TTC17: variants seen among roughly 807,000 people sequenced by gnomAD.
TTC17 encodes the protein tetratricopeptide repeat domain 17.
TTC17 carries 58 observed loss-of-function variants against 143.8 expected under a neutral mutation model. That is an observed-to-expected ratio of 0.40 (90% CI 0.33 to 0.50). The LOEUF (loss-of-function observed/expected upper bound fraction) is 0.50. TTC17 is among the 20% of genes least tolerant of loss of function. The pLI, the probability that TTC17 is intolerant of heterozygous loss-of-function variation, is 0.49. For synonymous variants in TTC17, 501 were observed against 497.8 expected, an observed-to-expected ratio of 1.01 and a Z score of -0.09; for missense variants, 1,273 against 1,392.5, an observed-to-expected ratio of 0.91 and a Z score of 1.37.
chr11:43,370,142 C>T, intron 1 of TTC17: 1 of 453,402 alleles, frequency 2.2e-6, no homozygotes, highest in South Asian at 1.6e-5. Flanking sequence ...TTTTTGCGAA[C>T]CTGTACTTCT....
intron 21 of TTC17, among the ~76,000 whole-genome samples, chr11:43,484,743 T>A (rs928697839): frequency 2.8e-4 from 43 of 152,256 alleles, no homozygotes; most frequent in African/African-American, 1.0e-3. Flanking sequence ...CTAGGAAGAC[T>A]AAATAGGAAG....
At chr11:43,437,987 C>G (rs539702686) in intron 16 of TTC17, among the ~76,000 whole-genome samples, 18 of 152,358 alleles carry the variant, frequency 1.2e-4, no homozygotes, top group Middle Eastern at 3.4e-3. Context: ...CTACCTTAAT[C>G]CGAATGATTT....
At position 43,446,708 on chromosome 11, in the gene TTC17, C is replaced by T. The variant is rs189925995; in HGVS notation, c.2666-1294C>T. The T allele has an allele frequency of 6.0e-4, 592 of 981,752 alleles. 3 individuals carry two copies. The African/African-American group carries it at 9.6e-3, about 16-fold the overall frequency. The allele number at this position is 981,752 out of a possible 1,614,324, so 60.8% of individuals were successfully genotyped here. A position where few individuals can be genotyped will look rare whatever the true frequency, so the allele number is the denominator to read the frequency against. ...TCGTAAATTCCTATAATATAAAAAG[C>T]GCTATACAGAACTAAAGTTCTCCTT... is the stretch of plus-strand genomic sequence containing the variant. On this transcript the variant is annotated intron_variant, in intron 18 of 23. Coordinates refer to ENST00000039989, the MANE Select transcript of TTC17 (RefSeq NM_018259.6).
At position 43,430,196 on chromosome 11, in the gene TTC17, A is replaced by G. The variant is rs562834953; in HGVS notation, c.2252-13129A>G. The stretch of plus-strand genomic sequence containing the variant: ...TAATCCCAGCACTTTGGGAGGCCAA[A>G]GAGGGCAGATTGCTTGAGTTCAGCA... On this transcript the variant is annotated intron_variant, in intron 16 of 23. Coordinates refer to ENST00000039989, the MANE Select transcript of TTC17 (RefSeq NM_018259.6). Among the ~76,000 whole-genome samples, 13 of 152,294 alleles carry G rather than the reference A, an allele frequency of 8.5e-5. No homozygotes were observed. In the South Asian group the frequency reaches 2.7e-3, roughly 32 times the overall value.
Position 43,407,148 on chromosome 11 carries a change from C to T in TTC17, c.1772C>T (p.Ser591Phe), listed in dbSNP as rs369467186. 2 of 1,581,808 alleles carry T rather than the reference C, an allele frequency of 1.3e-6. No individual in the cohort carries two copies. The highest frequency in any genetic ancestry group is 1.7e-6 in the Non-Finnish European group (2 of 1,168,968). The change falls in exon 14 of 24, where the codon TCC (serine) becomes TTC (phenylalanine). Residue 591 changes from serine (S) to phenylalanine (F), a missense_variant. By Grantham distance (155) the Ser-to-Phe change is radical. This residue lies in a region of TTC17 where 878 missense variants were observed against 899.8 expected (regional missense o/e 0.98). Transcript: ENST00000039989. ...PDDHARKILL[S>F]RINNYTIPEE... ...CTTTTGATGTTTCAGATTTTGCTTT[C>T]CCGTATTAATAACTATACTATCCCA...
intron 16 of TTC17, among the ~76,000 whole-genome samples, chr11:43,420,162 G>T (rs1946869055): frequency 6.6e-6 from 1 of 152,314 alleles, no homozygotes; most frequent in Admixed American, 6.5e-5. Flanking sequence ...AGCAAAGATT[G>T]TGATTTACTC....
In TTC17 at chr11:43,394,521, G is replaced by A. The variant is rs1365150659; in HGVS notation, c.664-2188G>A. Among the ~76,000 whole-genome samples the A allele has an allele frequency of 3.3e-5, 5 of 152,118 alleles. 1 individual carries two copies. In the South Asian group the frequency reaches 1.0e-3, roughly 32 times the overall value. The stretch of plus-strand genomic sequence containing the variant: ...ACTTGAACTATTCAGGAGATATTTA[G>A]GAGTTTAGAAGCAGATGAGTTAGAT... On this transcript the variant is annotated intron_variant, in intron 5 of 23. Transcript: ENST00000039989.
rs1258655211 is a variant in TTC17, at chr11:43,493,870, A to T, written c.3392A>T (p.His1131Leu). 1.2e-6 allele frequency: 2 copies of T among 1,613,596 alleles called. No individual in the cohort carries two copies. The highest frequency in any genetic ancestry group is 2.2e-5 in the South Asian group (2 of 91,050). ...AACCGAATCCAGACCATCCAGTGTC[A>T]CTTAATGCTGAAGAAGGGACGGCGC... ...AKNRIQTIQC[H>L]LMLKKGRRSP is the part of the protein sequence containing the mutation. The change falls in exon 24 of 24, where the codon CAC (histidine) becomes CTC (leucine). Residue 1131 changes from histidine (H) to leucine (L), a missense_variant. His to Leu is a moderately conservative substitution (Grantham distance 99, BLOSUM62 -3). Transcript: ENST00000039989.
intron 16 of TTC17, among the ~76,000 whole-genome samples, chr11:43,441,286 A>G (rs965053438): frequency 8.6e-5 from 13 of 151,674 alleles, no homozygotes. Flanking sequence ...AAAAAAAAAA[A>G]AAAAGTCCCT....
In TTC17 at chr11:43,444,166, C is replaced by G. The variant is rs753522472; in HGVS notation, c.2622C>G (p.Asn874Lys). 8.7e-6 allele frequency: 14 copies of G among 1,612,846 alleles called. No homozygotes were observed. The highest frequency in any genetic ancestry group is 1.2e-5 in the Non-Finnish European group (14 of 1,179,458). The change falls in exon 18 of 24, where the codon AAC (asparagine) becomes AAG (lysine). Residue 874 changes from asparagine to lysine, a missense_variant. This residue lies in a region of TTC17 where 878 missense variants were observed against 899.8 expected (regional missense o/e 0.98). Coordinates refer to ENST00000039989, the MANE Select transcript of TTC17 (RefSeq NM_018259.6). ...AAAATGGACATCGTTACCAAGCAAA[C>G]CTAGAGATCACTGGCCCCAAGGTGG... ...QIENGHRYQA[N>K]LEITGPKVAS... is the part of the protein sequence containing the mutation.
intron 15 of TTC17, among the ~76,000 whole-genome samples, chr11:43,412,479 A>G (rs1033604116): frequency 6.6e-6 from 1 of 152,154 alleles, no homozygotes; most frequent in Non-Finnish European, 1.5e-5. Flanking sequence ...TAAAGAAAAC[A>G]TCAGATTTCT....
intron 5 of TTC17, among the ~76,000 whole-genome samples, chr11:43,395,195 G>A (rs545859689): frequency 2.0e-4 from 31 of 151,316 alleles, no homozygotes; most frequent in African/African-American, 7.3e-4. Flanking sequence ...CCGTCTCCTG[G>A]GTTCACGCTA....
At chr11:43,373,113 T>C (rs1280485083) in intron 1 of TTC17, among the ~76,000 whole-genome samples, 1 of 152,188 alleles carries the variant, frequency 6.6e-6, no homozygotes, top group Admixed American at 6.5e-5. Context: ...GTAATTTTTA[T>C]TTTCTCCTTC....
chr11:43,413,470 A>T (rs183695904), intron 15 of TTC17, among the ~76,000 whole-genome samples: 2 of 152,342 alleles, frequency 1.3e-5, no homozygotes, highest in East Asian at 1.9e-4. Flanking sequence ...GAAAAAAATG[A>T]TAAGCTGAAC....
At chr11:43,455,145 A>G (rs1474740243) in intron 21 of TTC17, among the ~76,000 whole-genome samples, 2 of 151,630 alleles carry the variant, frequency 1.3e-5, no homozygotes, top group African/African-American at 4.8e-5. Context: ...ATTCTAAAAC[A>G]TGTCATTTAA....
chr11:43,444,917 G>A (rs973490204), intron 18 of TTC17, among the ~76,000 whole-genome samples: 23 of 152,236 alleles, frequency 1.5e-4, no homozygotes, highest in African/African-American at 5.1e-4. Context: ...CTGACTAGAC[G>A]CATCAGAAAA....
chr11:43,466,650 G>C (rs1947979255), intron 21 of TTC17: 1 of 346,596 alleles, frequency 2.9e-6, no homozygotes, highest in Non-Finnish European at 5.7e-6. Flanking sequence ...GAACTTTATT[G>C]TGAAGCATAC....
intron 16 of TTC17, among the ~76,000 whole-genome samples, chr11:43,434,031 C>T (rs1947221571): frequency 6.6e-6 from 1 of 152,126 alleles, no homozygotes; most frequent in African/African-American, 2.4e-5. Flanking sequence ...GCTCCCCTGA[C>T]TTAACTACAC....
intron 2 of TTC17, among the ~76,000 whole-genome samples, chr11:43,387,294 C>T (rs537116450): frequency 9.2e-5 from 14 of 152,148 alleles, no homozygotes; most frequent in Non-Finnish European, 1.6e-4. Flanking sequence ...GTGCTGTTCT[C>T]ATGAAGGAAA....
Sources: gnomAD v4.1 joint callset for allele counts (sites outside exome capture counted in the v4.1 genomes callset) on GRCh38, gnomAD v4.1.1 for gene constraint, gnomAD v4.1.1 regional missense constraint, MANE v1.5 for transcripts, NCBI Gene and HGNC (gene_info 2026-07-23, HGNC 2026-07-21) for gene names.